The following OR1J2 variants were observed in gnomAD, a reference collection of about 807,000 sequenced individuals.
OR1J2 encodes the protein olfactory receptor family 1 subfamily J member 2.
For missense variants in OR1J2, 304 were observed against 246.1 expected (o/e 1.24, Z -1.57); for synonymous variants, 142 against 99.7 (o/e 1.42, Z -2.52).
At chr9:122,575,702 T>A in the OR1J2 span, among the ~76,000 whole-genome samples, 1 of 152,198 alleles carries the variant, frequency 6.6e-6, no homozygotes, top group Non-Finnish European at 1.5e-5. Flanking sequence ...GTAAAGTGGT[T>A]ATTATTATGA....
the OR1J2 span, among the ~76,000 whole-genome samples, chr9:122,492,975 T>C: frequency 6.6e-6 from 1 of 152,130 alleles, no homozygotes; most frequent in African/African-American, 2.4e-5. Flanking sequence ...ATCATGTGAG[T>C]TTTGTTTTAA....
chr9:122,465,803 T>C, the OR1J2 span, among the ~76,000 whole-genome samples: 5 of 152,168 alleles, frequency 3.3e-5, no homozygotes, highest in African/African-American at 1.2e-4. Context: ...CTTTCCCCTG[T>C]TCCTTCTCTC....
chr9:122,505,342 T>C, the OR1J2 span, among the ~76,000 whole-genome samples: 1 of 152,142 alleles, frequency 6.6e-6, no homozygotes, highest in Admixed American at 6.5e-5. Flanking sequence ...GGGGACTGAG[T>C]ATGTTAGCTC....
chr9:122,473,486 C>G, the OR1J2 span, among the ~76,000 whole-genome samples: 1 of 152,154 alleles, frequency 6.6e-6, no homozygotes, highest in Admixed American at 6.5e-5. Flanking sequence ...ATATAACTGA[C>G]CCCTGGTTTA....
the OR1J2 span, among the ~76,000 whole-genome samples, chr9:122,463,218 G>C: frequency 2.6e-5 from 4 of 152,094 alleles, no homozygotes; most frequent in Admixed American, 2.0e-4. Flanking sequence ...TTGTATTGCT[G>C]AGAATTTCCA....
chr9:122,518,541 C>T, the OR1J2 span, among the ~76,000 whole-genome samples: 3 of 152,330 alleles, frequency 2.0e-5, no homozygotes, highest in Non-Finnish European at 4.4e-5. Context: ...CCCTCATGAC[C>T]TAATTACCTC....
At chr9:122,535,237 G>A in the OR1J2 span, among the ~76,000 whole-genome samples, 4,014 of 152,044 alleles carry the variant, frequency 0.026, 185 homozygotes, top group African/African-American at 0.092. Flanking sequence ...ATAAGGGATC[G>A]GGGTGCAGAG....
chr9:122,539,394 TGA>T, the OR1J2 span, among the ~76,000 whole-genome samples: 3 of 152,146 alleles, frequency 2.0e-5, no homozygotes, highest in Non-Finnish European at 2.9e-5. Flanking sequence ...GATAGTTTGC[TGA>T]GAATGATGGT....
At chr9:122,535,311 C>T in the OR1J2 span, among the ~76,000 whole-genome samples, 3 of 152,102 alleles carry the variant, frequency 2.0e-5, no homozygotes, top group Non-Finnish European at 4.4e-5. Context: ...GGGTAAAGGA[C>T]CAAGGCCGGC....
chr9:122,476,866 C>T, the OR1J2 span: 14 of 621,456 alleles, frequency 2.3e-5, no homozygotes, highest in Middle Eastern at 4.3e-4. Flanking sequence ...CCACCATGCC[C>T]GGCTAATTTT....
chr9:122,547,549 G>A, the OR1J2 span, among the ~76,000 whole-genome samples: 1 of 151,644 alleles, frequency 6.6e-6, no homozygotes, highest in Non-Finnish European at 1.5e-5. Context: ...CCATCCTCCT[G>A]AGTCTCCAAT....
the OR1J2 span, chr9:122,526,278 T>A: frequency 1.4e-6 from 1 of 729,032 alleles, no homozygotes. Flanking sequence ...TTATGGCTAG[T>A]GTGTGGTAGA....
the OR1J2 span, among the ~76,000 whole-genome samples, chr9:122,498,178 G>A: frequency 6.6e-6 from 1 of 151,900 alleles, no homozygotes; most frequent in Non-Finnish European, 1.5e-5. Context: ...TACCTCTCTA[G>A]CAATATTAGA....
At chr9:122,542,590 G>A in the OR1J2 span, among the ~76,000 whole-genome samples, 8 of 152,014 alleles carry the variant, frequency 5.3e-5, no homozygotes, top group African/African-American at 1.9e-4. Flanking sequence ...CGCCCACCTA[G>A]ATTTAACCTT....
chr9:122,570,223 T>G, the OR1J2 span, among the ~76,000 whole-genome samples: 4 of 151,236 alleles, frequency 2.6e-5, no homozygotes, highest in Non-Finnish European at 5.9e-5. Flanking sequence ...TCAAATGGTA[T>G]TTCTAGTTCT....
the OR1J2 span, among the ~76,000 whole-genome samples, chr9:122,472,116 GC>G: frequency 2.2e-4 from 33 of 152,122 alleles, no homozygotes; most frequent in Non-Finnish European, 7.4e-5. Flanking sequence ...TCCCTAATGG[GC>G]CTTTCAAAGT....
rs1350861546 is a variant in OR1J2, at chr9:122,510,832, G to A, written c.31G>A (p.Glu11Lys). 1.5e-5 allele frequency: 24 copies of A among 1,601,814 alleles called. No individual in the cohort carries two copies. The East Asian group carries it at 2.5e-4, about 16-fold the overall frequency. The stretch of plus-strand genomic sequence containing the variant: ...CCCTGAGAACCAGAGCAGCGTGTCC[G>A]AGTTCCTCCTTCTGGGCCTCCCCAT... MSPENQSSVS[E>K]FLLLGLPIRP... Residue 11 changes from glutamate to lysine, a missense_variant, in exon 1 of 1, where the codon GAG becomes AAG. Transcript: ENST00000335302.
the OR1J2 span, among the ~76,000 whole-genome samples, chr9:122,501,507 C>T: frequency 2.0e-5 from 3 of 152,208 alleles, no homozygotes; most frequent in African/African-American, 7.2e-5. Context: ...CTTCAGCCAA[C>T]AAGCACATGC....
the OR1J2 span, among the ~76,000 whole-genome samples, chr9:122,545,017 A>C: frequency 6.6e-6 from 1 of 152,030 alleles, no homozygotes; most frequent in Non-Finnish European, 1.5e-5. Flanking sequence ...TGCGTTTCCA[A>C]CATTTTGGTG....
Sources: gnomAD v4.1 joint callset for allele counts (sites outside exome capture counted in the v4.1 genomes callset) on GRCh38, gnomAD v4.1.1 for gene constraint, MANE v1.5 for transcripts, NCBI Gene and HGNC (gene_info 2026-07-23, HGNC 2026-07-21) for gene names.